WASF2: variants seen among roughly 807,000 people sequenced by gnomAD.
WASF2 encodes the protein actin-binding protein WASF2.
In WASF2, 14 loss-of-function variants were observed where a neutral mutation model predicts 45.0. The ratio of observed to expected loss-of-function variants is 0.31; its 90% confidence interval spans 0.21 to 0.49. The LOEUF (loss-of-function observed/expected upper bound fraction) is 0.49, where lower values mean the gene tolerates loss of function less well. Ranked by LOEUF, WASF2 falls within the 20% of genes least tolerant of loss-of-function variation. The pLI, the probability that WASF2 is intolerant of heterozygous loss-of-function variation, is 0.99. For missense variants in WASF2, 439 were observed against 636.1 expected (o/e 0.69, Z 3.33); for synonymous variants, 200 against 236.3 (o/e 0.85, Z 1.41).
At chr1:27,436,527 A>C (rs1399300247) in intron 1 of WASF2, among the ~76,000 whole-genome samples, 4 of 152,242 alleles carry the variant, frequency 2.6e-5, no homozygotes, top group Non-Finnish European at 5.9e-5. Context: ...TGGAAAGTCG[A>C]ATAGTCATTT....
At chr1:27,475,630 T>TTGTTC in intron 1 of WASF2, among the ~76,000 whole-genome samples, 1 of 152,296 alleles carries the variant, frequency 6.6e-6, no homozygotes, top group Admixed American at 6.5e-5. Flanking sequence ...TCTTTTTGTT[T>TTGTTC]TGTTCTGTTT....
rs755514820 is a variant in WASF2 at position 27,410,114 on chromosome 1, A to G, written c.917T>C (p.Leu306Pro). 1.9e-6 allele frequency: 3 copies of G among 1,613,552 alleles called. No homozygotes were observed. The highest frequency in any genetic ancestry group is 2.7e-5 in the African/African-American group (2 of 74,888). Residue 306 changes from leucine (L) to proline (P), a missense_variant, in exon 8 of 9, where the codon CTA (leucine) becomes CCA (proline). Coordinates refer to ENST00000618852, the MANE Select transcript of WASF2 (RefSeq NM_006990.5). The surrounding 1 kb of genome is among the most constrained non-coding windows in gnomAD (Gnocchi z 4.2). The stretch of plus-strand genomic sequence containing the variant: ...GGGTTTAGGGCCTGGTGGAGAGCCT[A>G]GAGGAGGAGCTGGTGGTGGATGGCT... Reference protein sequence around the residue: ...SPSHPPPAPPLGSPPGPKPGF... With the variant: ...SPSHPPPAPPPGSPPGPKPGF...
At chr1:27,430,518 G>A (rs149972282) in intron 1 of WASF2, among the ~76,000 whole-genome samples, 113 of 152,012 alleles carry the variant, frequency 7.4e-4, no homozygotes, top group Middle Eastern at 3.4e-3. Context: ...GCACCACCAC[G>A]CCCAGCTAAT....
chr1:27,481,140 C>T (rs1278629025), intron 1 of WASF2, among the ~76,000 whole-genome samples: 1 of 110,482 alleles, frequency 9.1e-6, no homozygotes, highest in Non-Finnish European at 1.9e-5. Context: ...ACTAAAAATA[C>T]AAAAAAAAAA....
rs1176114306 is a variant in WASF2, at chr1:27,413,660, G to A, written c.669-933C>T. 1.4e-4 allele frequency among the ~76,000 whole-genome samples: 22 copies of A among 152,128 alleles called. 1 individual carries two copies. Among genetic ancestry groups the A allele is most frequent in the Non-Finnish European group, 4.4e-5 (3 of 68,030 alleles). ...ATGAAGCCCCAACTCCAAACCGCCT[G>A]GACAACAGGAAAATGGAAGGCAAAT... On this transcript the variant is annotated intron_variant, in intron 6 of 8. Coordinates refer to ENST00000618852, the MANE Select transcript of WASF2 (RefSeq NM_006990.5).
intron 7 of WASF2, among the ~76,000 whole-genome samples, chr1:27,411,699 T>C (rs962884812): frequency 5.9e-5 from 9 of 152,142 alleles, no homozygotes; most frequent in Non-Finnish European, 1.0e-4. Flanking sequence ...CTGTCTCTAC[T>C]AAAAATACAA....
intron 1 of WASF2, among the ~76,000 whole-genome samples, chr1:27,477,518 T>C (rs1334067410): frequency 5.5e-5 from 8 of 144,996 alleles, no homozygotes; most frequent in East Asian, 4.2e-4. Context: ...CCAGCCTGGG[T>C]GACAGAGCAA....
At chr1:27,429,081 C>A in intron 1 of WASF2, 148 bp from the exon 2 acceptor site, 1 of 661,820 alleles carries the variant, frequency 1.5e-6, no homozygotes, top group Non-Finnish European at 2.3e-6. Flanking sequence ...CTTTTTTTTT[C>A]TTTCATTTTT....
chr1:27,425,858 A>AAAAAAT, intron 2 of WASF2, among the ~76,000 whole-genome samples: 1 of 150,768 alleles, frequency 6.6e-6, no homozygotes, highest in African/African-American at 2.4e-5. Context: ...AAAAAAAAAA[A>AAAAAAT]AAAAATTAGC....
At chr1:27,464,791 C>T (rs995159355) in intron 1 of WASF2, among the ~76,000 whole-genome samples, 1 of 152,212 alleles carries the variant, frequency 6.6e-6, no homozygotes, top group Non-Finnish European at 1.5e-5. Flanking sequence ...TGCAGTGGCA[C>T]GATCTTGGCT....
intron 1 of WASF2, among the ~76,000 whole-genome samples, chr1:27,452,373 C>T (rs554790597): frequency 4.0e-5 from 6 of 151,696 alleles, no homozygotes; most frequent in Admixed American, 2.0e-4. Flanking sequence ...ATTAGCTGGG[C>T]GTGGTGGTGC....
chr1:27,458,070 G>A (rs1390853699), intron 1 of WASF2, among the ~76,000 whole-genome samples: 8 of 152,032 alleles, frequency 5.3e-5, no homozygotes, highest in Non-Finnish European at 1.2e-4. Flanking sequence ...AGCACTTTGG[G>A]AGGCCGAGAC....
At chr1:27,469,171 T>C (rs928895427) in intron 1 of WASF2, among the ~76,000 whole-genome samples, 1 of 152,292 alleles carries the variant, frequency 6.6e-6, no homozygotes, top group East Asian at 1.9e-4. Flanking sequence ...AATGATATGA[T>C]GTCTGGGACT....
chr1:27,426,514 T>C (rs1372515906), intron 2 of WASF2, among the ~76,000 whole-genome samples: 1 of 5,738 alleles, frequency 1.7e-4, no homozygotes, highest in Non-Finnish European at 1.6e-3. Context: ...GTTAACTTAA[T>C]TTTTTTTTTT....
intron 2 of WASF2, among the ~76,000 whole-genome samples, chr1:27,426,822 T>G (rs1462464188): frequency 2.0e-5 from 3 of 152,170 alleles, no homozygotes; most frequent in African/African-American, 7.2e-5. Flanking sequence ...GTTACCTTAT[T>G]TTTCTGAGCC....
At chr1:27,454,645 A>G (rs1339226071) in intron 1 of WASF2, among the ~76,000 whole-genome samples, 1 of 152,066 alleles carries the variant, frequency 6.6e-6, no homozygotes, top group South Asian at 2.1e-4. Flanking sequence ...GCCACTTTTA[A>G]AATTTTTTTG....
chr1:27,478,081 C>T (rs1052443511), intron 1 of WASF2, among the ~76,000 whole-genome samples: 6 of 149,520 alleles, frequency 4.0e-5, no homozygotes, highest in Non-Finnish European at 5.9e-5. Context: ...GTGAAACCCC[C>T]GTCTCTACTA....
At chr1:27,447,943 T>C (rs1005631945) in intron 1 of WASF2, among the ~76,000 whole-genome samples, 1 of 152,220 alleles carries the variant, frequency 6.6e-6, no homozygotes, top group African/African-American at 2.4e-5. Flanking sequence ...TTTAAAGGGA[T>C]TGATTTTCTA....
At chr1:27,476,556 A>G (rs761710823) in intron 1 of WASF2, among the ~76,000 whole-genome samples, 2 of 152,082 alleles carry the variant, frequency 1.3e-5, no homozygotes, top group Non-Finnish European at 2.9e-5. Context: ...ACTACATCAC[A>G]TGGTATAATG....
Sources: allele counts gnomAD v4.1 joint callset (sites outside exome capture counted in the v4.1 genomes callset), GRCh38; gene constraint gnomAD v4.1.1; non-coding constraint Gnocchi (gnomAD v3.1); transcripts MANE v1.5; gene names NCBI Gene and HGNC (gene_info 2026-07-23, HGNC 2026-07-21).